The following ATXN1 variants were observed in gnomAD, a reference collection of about 807,000 sequenced individuals.
The protein encoded by ATXN1 is ataxin-1.
In ATXN1, 8 loss-of-function variants were observed where a neutral mutation model predicts 56.4. The ratio of observed to expected loss-of-function variants is 0.14; its 90% confidence interval spans 0.08 to 0.26. ATXN1 has a LOEUF of 0.26. Among genes scored for constraint, ATXN1 ranks in the 10% least tolerant of loss-of-function variants. ATXN1 has a pLI of 1.00. For synonymous variants in ATXN1, 514 were observed against 494.6 expected (o/e 1.04, Z -0.52); for missense variants, 987 against 1,106.5 (o/e 0.89, Z 1.53).
chr6:16,497,962 G>C (rs1760810548), intron 5 of ATXN1, among the ~76,000 whole-genome samples: 1 of 152,162 alleles, frequency 6.6e-6, no homozygotes, highest in Non-Finnish European at 1.5e-5. Context: ...AGAAGAGATG[G>C]GGTCAAAGGG....
chr6:16,419,798 C>T (rs1371222229), intron 6 of ATXN1, among the ~76,000 whole-genome samples: 1 of 152,152 alleles, frequency 6.6e-6, no homozygotes, highest in African/African-American at 2.4e-5. Flanking sequence ...GAGCTGGCCA[C>T]CTGTGAGAAG....
chr6:16,683,180 T>C (rs971569613), intron 2 of ATXN1, among the ~76,000 whole-genome samples: 1 of 152,218 alleles, frequency 6.6e-6, no homozygotes, highest in Admixed American at 6.5e-5. Flanking sequence ...CACTTCCTCC[T>C]GTGTTTAGGG....
intron 4 of ATXN1, among the ~76,000 whole-genome samples, chr6:16,545,781 G>C (rs1761804237): frequency 6.6e-6 from 1 of 152,196 alleles, no homozygotes; most frequent in African/African-American, 2.4e-5. Flanking sequence ...GTGGCACTTG[G>C]TAGCAAAGAA....
intron 2 of ATXN1, chr6:16,750,219 C>A (rs966771931): frequency 6.6e-6 from 1 of 152,176 alleles, no homozygotes; most frequent in Non-Finnish European, 1.5e-5. Flanking sequence ...CCCTGCCTGA[C>A]CAGGAAGAAA....
At chr6:16,539,369 C>T (rs1197408301) in intron 4 of ATXN1, among the ~76,000 whole-genome samples, 1 of 152,090 alleles carries the variant, frequency 6.6e-6, no homozygotes, top group Non-Finnish European at 1.5e-5. Flanking sequence ...GCTCAGAGGC[C>T]TATGTATTTT....
chr6:16,528,793 T>A (rs1252631826), intron 4 of ATXN1, among the ~76,000 whole-genome samples: 1 of 152,158 alleles, frequency 6.6e-6, no homozygotes, highest in African/African-American at 2.4e-5. Context: ...TAGGTTTGTC[T>A]GGGTTTCACG....
chr6:16,434,217 T>C (rs1392494456), intron 6 of ATXN1, among the ~76,000 whole-genome samples: 1 of 152,208 alleles, frequency 6.6e-6, no homozygotes, highest in Non-Finnish European at 1.5e-5. Context: ...CCTTTTCCTG[T>C]TGCCCATTTT....
chr6:16,659,509 C>T (rs1168951314), intron 2 of ATXN1, among the ~76,000 whole-genome samples: 2 of 152,154 alleles, frequency 1.3e-5, no homozygotes, highest in Admixed American at 1.3e-4. Context: ...CTTCATATCT[C>T]GAGGTATTCT....
chr6:16,687,226 A>G (rs1376053532), intron 2 of ATXN1, among the ~76,000 whole-genome samples: 1 of 152,112 alleles, frequency 6.6e-6, no homozygotes, highest in Admixed American at 6.6e-5. Flanking sequence ...CCAAAATTAA[A>G]CTTTCGACTT....
At chr6:16,467,612 A>G (rs1000806870) in intron 6 of ATXN1, among the ~76,000 whole-genome samples, 3 of 152,212 alleles carry the variant, frequency 2.0e-5, no homozygotes, top group African/African-American at 7.2e-5. Context: ...ATCTGTTACA[A>G]TAAGTACCTT....
intron 6 of ATXN1, among the ~76,000 whole-genome samples, chr6:16,336,845 A>AT (rs1347486157): frequency 6.6e-6 from 1 of 152,182 alleles, no homozygotes; most frequent in East Asian, 1.9e-4. Flanking sequence ...CCCACTACTT[A>AT]TATTATCAGC....
chr6:16,353,805 A>G (rs60335523), intron 6 of ATXN1, among the ~76,000 whole-genome samples: 2,290 of 152,368 alleles, frequency 0.015, 62 homozygotes, highest in African/African-American at 0.052. Context: ...TAAGATCACA[A>G]TCGTGCATGA....
At chr6:16,590,105 A>G (rs1297919786) in intron 3 of ATXN1, among the ~76,000 whole-genome samples, 1 of 152,224 alleles carries the variant, frequency 6.6e-6, no homozygotes, top group Non-Finnish European at 1.5e-5. Context: ...AAAATTAGAG[A>G]TGCATATTCA....
At chr6:16,573,652 G>A (rs1420998734) in intron 4 of ATXN1, among the ~76,000 whole-genome samples, 2 of 152,122 alleles carry the variant, frequency 1.3e-5, no homozygotes, top group African/African-American at 4.8e-5. Flanking sequence ...TGATCCTTTA[G>A]CTCTGTTATC....
chr6:16,444,761 G>C (rs997905640), intron 6 of ATXN1, among the ~76,000 whole-genome samples: 6 of 152,112 alleles, frequency 3.9e-5, no homozygotes, highest in African/African-American at 1.4e-4. Flanking sequence ...TGCAATCCCT[G>C]ATAAATTTAT....
chr6:16,556,413 A>G (rs1057061865), intron 4 of ATXN1, among the ~76,000 whole-genome samples: 1 of 152,258 alleles, frequency 6.6e-6, no homozygotes, highest in African/African-American at 2.4e-5. Context: ...AAAGAAAAAT[A>G]GCATGAGATT....
At chr6:16,364,592 C>T (rs1175986479) in intron 6 of ATXN1, among the ~76,000 whole-genome samples, 6 of 152,142 alleles carry the variant, frequency 3.9e-5, no homozygotes, top group African/African-American at 1.4e-4. Context: ...CATGAGCCAC[C>T]GCACCCAGCC....
chr6:16,745,950 G>A (rs1349460402), intron 2 of ATXN1, among the ~76,000 whole-genome samples: 2 of 151,022 alleles, frequency 1.3e-5, no homozygotes, highest in Non-Finnish European at 2.9e-5. Flanking sequence ...GTGTGTGTGT[G>A]TGTGTGTGTG....
At chr6:16,439,588 TA>T (rs1759472198) in intron 6 of ATXN1, among the ~76,000 whole-genome samples, 1 of 152,162 alleles carries the variant, frequency 6.6e-6, no homozygotes, top group East Asian at 1.9e-4. Flanking sequence ...GTATTAATTT[TA>T]TTTTCTACAT....
Sources: gnomAD v4.1 joint callset for allele counts (sites outside exome capture counted in the v4.1 genomes callset) on GRCh38, gnomAD v4.1.1 for gene constraint, MANE v1.5 for transcripts, NCBI Gene and HGNC (gene_info 2026-07-23, HGNC 2026-07-21) for gene names.